Variants in PLCL1 observed in about 807,000 individuals in gnomAD.
PLCL1 encodes phospholipase C like 1 (inactive).
Under a neutral mutation model 84.4 loss-of-function variants are expected in PLCL1, and 41 were observed. The observed-to-expected ratio is 0.49, with a 90% CI of 0.38 to 0.63. PLCL1 has a LOEUF of 0.63. Among genes scored for constraint, PLCL1 ranks in the 30% least tolerant of loss-of-function variants. PLCL1 has a pLI of 0.00. For missense variants in PLCL1, 1,206 were observed against 1,367.8 expected (o/e 0.88, Z 1.87); for synonymous variants, 490 against 488.3 (o/e 1.00, Z -0.05).
intron 1 of PLCL1, among the ~76,000 whole-genome samples, chr2:197,975,326 A>G (rs905039396): frequency 6.6e-6 from 1 of 152,122 alleles, no homozygotes; most frequent in African/African-American, 2.4e-5. Flanking sequence ...TTAAGGTGAC[A>G]TGGCTAGTAA....
At chr2:197,941,883 C>T (rs568508690) in intron 1 of PLCL1, among the ~76,000 whole-genome samples, 1 of 152,212 alleles carries the variant, frequency 6.6e-6, no homozygotes, top group East Asian at 1.9e-4. Context: ...TAGCTACCCA[C>T]AGAGATCCCC....
intron 1 of PLCL1, among the ~76,000 whole-genome samples, chr2:198,019,976 G>T (rs1248045357): frequency 1.3e-5 from 2 of 152,046 alleles, no homozygotes; most frequent in Non-Finnish European, 2.9e-5. Flanking sequence ...AAATGTTAAG[G>T]GCAGCCAGAG....
At position 197,813,733 on chromosome 2, in the gene PLCL1, C is replaced by T. The variant is rs548757096; in HGVS notation, c.240+8394C>T. Among the ~76,000 whole-genome samples, 71 of 152,152 alleles carry T rather than the reference C, an allele frequency of 4.7e-4. 2 individuals carry two copies. In the South Asian group the frequency reaches 9.9e-3, roughly 21 times the overall value. On this transcript the variant is annotated intron_variant, in intron 1 of 5. Transcript: ENST00000428675. Reference sequence around the variant, plus strand: ...TATGATATGCATATTATTATTATCTCGATTTTTACAGATGGAGAGATGTTA... The same window carrying T: ...TATGATATGCATATTATTATTATCTTGATTTTTACAGATGGAGAGATGTTA...
intron 1 of PLCL1, among the ~76,000 whole-genome samples, chr2:198,050,587 G>C (rs1038554800): frequency 1.3e-5 from 2 of 152,158 alleles, no homozygotes; most frequent in African/African-American, 4.8e-5. Flanking sequence ...AATGCTAAAA[G>C]GTTGTTTTGT....
intron 1 of PLCL1, among the ~76,000 whole-genome samples, chr2:197,847,675 C>A (rs555294440): frequency 2.7e-4 from 41 of 152,262 alleles, no homozygotes; most frequent in African/African-American, 9.1e-4. Flanking sequence ...TCATGTAATT[C>A]ATGGAATTTA....
intron 1 of PLCL1, among the ~76,000 whole-genome samples, chr2:197,940,311 C>G (rs1488085036): frequency 2.0e-5 from 3 of 152,148 alleles, no homozygotes; most frequent in Non-Finnish European, 4.4e-5. Context: ...TTGGGCCTAT[C>G]ACTCAGAAAG....
chr2:197,852,277 G>C (rs1687254702), intron 1 of PLCL1, among the ~76,000 whole-genome samples: 1 of 152,216 alleles, frequency 6.6e-6, no homozygotes, highest in Non-Finnish European at 1.5e-5. Context: ...TGGCACTGCT[G>C]TGTGCTGCAG....
In PLCL1 at chr2:197,976,842, C is replaced by G. The variant is rs79225337; in HGVS notation, c.241-106916C>G. 9.8e-3 allele frequency among the ~76,000 whole-genome samples: 1,492 copies of G among 152,316 alleles called. 15 individuals carry two copies. Among genetic ancestry groups the G allele is most frequent in the South Asian group, 0.028 (134 of 4,822 alleles). On this transcript the variant is annotated intron_variant, in intron 1 of 5. Transcript: ENST00000428675. ...GAAACTGCCCCTTATCTGAAATGATCTTCTCGGATGATACCCAGTTATAGT... is the reference window on the plus strand; with the variant it reads ...GAAACTGCCCCTTATCTGAAATGATGTTCTCGGATGATACCCAGTTATAGT...
intron 5 of PLCL1, among the ~76,000 whole-genome samples, chr2:198,123,753 C>G (rs1389281491): frequency 6.6e-6 from 1 of 152,030 alleles, no homozygotes; most frequent in East Asian, 1.9e-4. Flanking sequence ...AGATCAGCAG[C>G]AGCATTAGAT....
chr2:197,898,944 A>G (rs1353941164), intron 1 of PLCL1, among the ~76,000 whole-genome samples: 1 of 152,094 alleles, frequency 6.6e-6, no homozygotes, highest in Non-Finnish European at 1.5e-5. Flanking sequence ...ACACAATATT[A>G]CTGGTTTTCT....
At chr2:197,856,268 T>C (rs1687328450) in intron 1 of PLCL1, among the ~76,000 whole-genome samples, 1 of 152,210 alleles carries the variant, frequency 6.6e-6, no homozygotes, top group Non-Finnish European at 1.5e-5. Flanking sequence ...ACTTCCTTTT[T>C]ATAGTTGTCA....
chr2:198,076,954 T>C (rs1404511828), intron 1 of PLCL1, among the ~76,000 whole-genome samples: 2 of 152,222 alleles, frequency 1.3e-5, no homozygotes, highest in Non-Finnish European at 1.5e-5. Flanking sequence ...ATTTTGAGCA[T>C]AGGCCCATTG....
intron 3 of PLCL1, among the ~76,000 whole-genome samples, chr2:198,089,931 A>G (rs1359664766): frequency 6.6e-6 from 1 of 152,222 alleles, no homozygotes; most frequent in Non-Finnish European, 1.5e-5. Context: ...CTTTAAAAAT[A>G]GTACCTCTGA....
chr2:198,091,306 G>A (rs1204219175), intron 3 of PLCL1, among the ~76,000 whole-genome samples: 1 of 152,110 alleles, frequency 6.6e-6, no homozygotes, highest in Non-Finnish European at 1.5e-5. Flanking sequence ...GTATTGGTTG[G>A]CATCTTTAAT....
intron 1 of PLCL1, among the ~76,000 whole-genome samples, chr2:197,955,666 G>T (rs1189305094): frequency 1.3e-5 from 2 of 151,818 alleles, no homozygotes; most frequent in Non-Finnish European, 2.9e-5. Context: ...GTGTTAGTTT[G>T]CTGAGGATGA....
At chr2:197,918,971 T>TCTCTCTCTCTCTCA (rs373512508) in intron 1 of PLCL1, among the ~76,000 whole-genome samples, 3,834 of 144,538 alleles carry the variant, frequency 0.027, 151 homozygotes, top group South Asian at 0.038. Flanking sequence ...TCTCTCTCCC[T>TCTCTCTCTCTCTCA]CACACACACA....
intron 1 of PLCL1, among the ~76,000 whole-genome samples, chr2:197,939,569 A>T (rs1183659763): frequency 4.0e-5 from 6 of 151,886 alleles, no homozygotes; most frequent in South Asian, 2.1e-4. Flanking sequence ...TTCCCTCTGT[A>T]CCCATCCGTA....
chr2:197,818,908 G>T (rs781203643), intron 1 of PLCL1, among the ~76,000 whole-genome samples: 29 of 152,202 alleles, frequency 1.9e-4, no homozygotes, highest in Non-Finnish European at 3.8e-4. Flanking sequence ...TGGGTGAAGA[G>T]ACTCTGGTAA....
At chr2:197,864,453 A>T (rs2105697300) in intron 1 of PLCL1, among the ~76,000 whole-genome samples, 1 of 151,236 alleles carries the variant, frequency 6.6e-6, no homozygotes, top group South Asian at 2.1e-4. Flanking sequence ...ATAAATACTT[A>T]ATAATGTGAA....
Sources: gnomAD v4.1 joint callset for allele counts (sites outside exome capture counted in the v4.1 genomes callset) on GRCh38, gnomAD v4.1.1 for gene constraint, MANE v1.5 for transcripts, NCBI Gene and HGNC (gene_info 2026-07-23, HGNC 2026-07-21) for gene names.